NELL2: variants seen among roughly 807,000 people sequenced by gnomAD.
NELL2 encodes neural EGFL like 2, also known as protein kinase C-binding protein NELL2.
Under a neutral mutation model 109.6 loss-of-function variants are expected in NELL2, and 41 were observed. That is an observed-to-expected ratio of 0.37 (90% CI 0.29 to 0.49). The LOEUF is 0.49. Among genes scored for constraint, NELL2 ranks in the 20% least tolerant of loss-of-function variants. The pLI is 0.98. For missense variants in NELL2, 900 were observed against 1,008.3 expected (o/e 0.89, Z 1.45); for synonymous variants, 355 against 344.7 (o/e 1.03, Z -0.33).
chr12:44,618,627 A>G (rs757536102), intron 13 of NELL2, among the ~76,000 whole-genome samples: 1 of 152,212 alleles, frequency 6.6e-6, no homozygotes, highest in Non-Finnish European at 1.5e-5. Context: ...GGTTTCAGCT[A>G]TATCATTCTA....
At chr12:44,682,376 C>G (rs1183161437) in intron 12 of NELL2, among the ~76,000 whole-genome samples, 2 of 151,426 alleles carry the variant, frequency 1.3e-5, no homozygotes, top group Non-Finnish European at 2.9e-5. Context: ...GTTGCCTGTT[C>G]ACTCTGATGG....
chr12:44,744,484 A>C (rs2136508470), intron 9 of NELL2, among the ~76,000 whole-genome samples: 1 of 152,204 alleles, frequency 6.6e-6, no homozygotes. Flanking sequence ...GACACAAAAA[A>C]CCCTTCAAAA....
At chr12:44,792,471 A>G (rs1279945731) in intron 3 of NELL2, among the ~76,000 whole-genome samples, 1 of 152,176 alleles carries the variant, frequency 6.6e-6, no homozygotes, top group African/African-American at 2.4e-5. Flanking sequence ...AAAAGAAGCC[A>G]TAAAGCAAAA....
At chr12:44,639,558 T>C (rs1279250760) in intron 13 of NELL2, among the ~76,000 whole-genome samples, 4 of 152,160 alleles carry the variant, frequency 2.6e-5, no homozygotes, top group Admixed American at 2.0e-4. Context: ...AATCTAGAAA[T>C]ATGAGACTCA....
chr12:44,812,259 G>A (rs1943203962), intron 3 of NELL2, among the ~76,000 whole-genome samples: 1 of 152,116 alleles, frequency 6.6e-6, no homozygotes, highest in Non-Finnish European at 1.5e-5. Context: ...CCAAGAAAGT[G>A]TCTCCAAAGG....
chr12:44,748,344 G>A (rs1940490181), intron 9 of NELL2, among the ~76,000 whole-genome samples: 1 of 152,026 alleles, frequency 6.6e-6, no homozygotes, highest in African/African-American at 2.4e-5. Flanking sequence ...CTAAGTCATT[G>A]GTAAGAGTAT....
chr12:44,815,264 T>C (rs1488420006), intron 3 of NELL2, among the ~76,000 whole-genome samples: 1 of 152,222 alleles, frequency 6.6e-6, no homozygotes, highest in African/African-American at 2.4e-5. Context: ...ACCATTTTTA[T>C]ACAATCCATG....
intron 15 of NELL2, among the ~76,000 whole-genome samples, chr12:44,598,443 T>G (rs1685348611): frequency 6.6e-6 from 1 of 152,164 alleles, no homozygotes; most frequent in Non-Finnish European, 1.5e-5. Flanking sequence ...TTATTGTTTT[T>G]TCCTATGTTC....
chr12:44,702,665 T>C (rs1270431417), intron 12 of NELL2, among the ~76,000 whole-genome samples: 1 of 152,196 alleles, frequency 6.6e-6, no homozygotes, highest in East Asian at 1.9e-4. Flanking sequence ...GAATTTTAAA[T>C]AAATCTGCAT....
At chr12:44,529,372 A>G (rs899602709) in intron 16 of NELL2, among the ~76,000 whole-genome samples, 2 of 152,126 alleles carry the variant, frequency 1.3e-5, no homozygotes, top group Non-Finnish European at 2.9e-5. Flanking sequence ...AGTAAATGAA[A>G]AGTTCTGTTT....
At chr12:44,822,326 T>C (rs1943572585) in intron 2 of NELL2, among the ~76,000 whole-genome samples, 1 of 152,164 alleles carries the variant, frequency 6.6e-6, no homozygotes, top group Non-Finnish European at 1.5e-5. Flanking sequence ...ACAATGGCCA[T>C]AACACCCTTG....
intron 2 of NELL2, among the ~76,000 whole-genome samples, chr12:44,846,308 A>G (rs780360105): frequency 6.6e-6 from 1 of 152,260 alleles, no homozygotes; most frequent in African/African-American, 2.4e-5. Context: ...GAAAAATTCC[A>G]GCATTGCCAG....
At chr12:44,820,000 G>A (rs890508601) in intron 2 of NELL2, among the ~76,000 whole-genome samples, 11 of 152,076 alleles carry the variant, frequency 7.2e-5, no homozygotes, top group African/African-American at 2.7e-4. Context: ...CCTCAGGATG[G>A]TCTCCTCACC....
At chr12:44,588,067 T>C (rs915824544) in intron 15 of NELL2, among the ~76,000 whole-genome samples, 13 of 151,026 alleles carry the variant, frequency 8.6e-5, no homozygotes, top group African/African-American at 2.9e-4. Context: ...GGGAGAATGG[T>C]GTGAACCCGG....
chr12:44,575,452 C>T (rs1944038741), intron 15 of NELL2, among the ~76,000 whole-genome samples: 1 of 152,232 alleles, frequency 6.6e-6, no homozygotes, highest in African/African-American at 2.4e-5. Flanking sequence ...AAAGCACTCA[C>T]ATCTGCCTCT....
chr12:44,741,847 G>A (rs952084076), intron 9 of NELL2, among the ~76,000 whole-genome samples: 2 of 152,214 alleles, frequency 1.3e-5, no homozygotes, highest in African/African-American at 4.8e-5. Context: ...ACAGCTCAAG[G>A]AGGCCAGTCT....
chr12:44,689,419 G>A (rs1948832787), intron 12 of NELL2, among the ~76,000 whole-genome samples: 1 of 152,102 alleles, frequency 6.6e-6, no homozygotes, highest in African/African-American at 2.4e-5. Flanking sequence ...TTAGCCCATA[G>A]GTTCTTCAGT....
At chr12:44,550,667 T>C (rs915181943) in intron 15 of NELL2, among the ~76,000 whole-genome samples, 2 of 152,108 alleles carry the variant, frequency 1.3e-5, no homozygotes, top group African/African-American at 2.4e-5. Flanking sequence ...ATACATACAA[T>C]GAAATACTAT....
intron 2 of NELL2, among the ~76,000 whole-genome samples, chr12:44,846,401 T>C (rs1012751671): frequency 7.2e-5 from 11 of 152,216 alleles, no homozygotes; most frequent in Non-Finnish European, 5.9e-5. Context: ...ACTTCTTTAG[T>C]GCCACTGTGG....
Sources: gnomAD v4.1 joint callset for allele counts (sites outside exome capture counted in the v4.1 genomes callset) on GRCh38, gnomAD v4.1.1 for gene constraint, MANE v1.5 for transcripts, NCBI Gene and HGNC (gene_info 2026-07-23, HGNC 2026-07-21) for gene names.